Variants in BCOR observed in about 807,000 individuals in gnomAD.
BCOR encodes BCL-6 corepressor.
Under a neutral mutation model 86.7 loss-of-function variants are expected in BCOR, and 10 were observed. That is an observed-to-expected ratio of 0.12 (90% CI 0.07 to 0.20). The LOEUF (loss-of-function observed/expected upper bound fraction) is 0.20, where lower values mean the gene tolerates loss of function less well. BCOR is among the 10% of genes least tolerant of loss of function. The pLI is 1.00. For missense variants in BCOR, 1,259 were observed against 1,452.1 expected (o/e 0.87, Z 2.16); for synonymous variants, 611 against 609.0 (o/e 1.00, Z -0.05).
chrX:40,138,332 C>T (rs929088927), intron 1 of BCOR, among the ~76,000 whole-genome samples: 1 of 111,856 alleles, frequency 8.9e-6, no homozygotes, highest in African/African-American at 3.2e-5. Context: ...TACTTATGTG[C>T]TGAGCGTAGG....
chrX:40,173,933 G>A (rs1457925632), intron 1 of BCOR, among the ~76,000 whole-genome samples: 1 of 113,100 alleles, frequency 8.8e-6, no homozygotes, highest in East Asian at 2.8e-4. Flanking sequence ...CTGGTGCACA[G>A]ATGCAAATAC....
intron 1 of BCOR, among the ~76,000 whole-genome samples, chrX:40,118,205 A>C (rs1937426699): frequency 9.1e-6 from 1 of 110,037 alleles, no homozygotes; most frequent in African/African-American, 3.3e-5. Context: ...TCCTCCCCTC[A>C]GGTGTGAGCT....
At chrX:40,160,935 A>G (rs1485673535) in intron 1 of BCOR, among the ~76,000 whole-genome samples, 2 of 105,374 alleles carry the variant, frequency 1.9e-5, no homozygotes, top group Non-Finnish European at 3.9e-5. Flanking sequence ...TCGGCCTCCT[A>G]AAGTGTTGGG....
At chrX:40,138,013 C>T (rs776007639) in intron 1 of BCOR, among the ~76,000 whole-genome samples, 3 of 110,717 alleles carry the variant, frequency 2.7e-5, no homozygotes, top group African/African-American at 6.6e-5. Context: ...AGTGCAATGG[C>T]GCTATCTTGG....
At chrX:40,171,760 G>A (rs989719777) in intron 1 of BCOR, among the ~76,000 whole-genome samples, 2 of 113,226 alleles carry the variant, frequency 1.8e-5, no homozygotes, top group African/African-American at 6.4e-5. Flanking sequence ...TGGAAAGGAG[G>A]AGAGCCGCAA....
At chrX:40,156,526 T>A (rs1478933779) in intron 1 of BCOR, among the ~76,000 whole-genome samples, 1 of 112,996 alleles carries the variant, frequency 8.8e-6, no homozygotes, top group African/African-American at 3.2e-5. Flanking sequence ...GCTGTCTTGC[T>A]TGTACAGCAC....
chrX:40,053,724 T>G, intron 14 of BCOR, 162 bp downstream of exon 14: 2 of 595,206 alleles, frequency 3.4e-6, no homozygotes, highest in Non-Finnish European at 5.4e-6. Context: ...AGGAAGCTGA[T>G]GTGTACCCTT....
chrX:40,109,246 C>T (rs774269907), intron 1 of BCOR, among the ~76,000 whole-genome samples: 151 of 112,340 alleles, frequency 1.3e-3, no homozygotes, highest in Non-Finnish European at 2.2e-3. Flanking sequence ...CCGGGCTCCC[C>T]GGTCCTCGGC....
intron 2 of BCOR, chrX:40,076,948 G>T (rs1203318213): frequency 3.1e-6 from 1 of 317,649 alleles, no homozygotes; most frequent in African/African-American, 2.7e-5. Context: ...GGGGCTGGAA[G>T]GCTGGTCGTG....
At chrX:40,168,838 C>T (rs1005713028) in intron 1 of BCOR, among the ~76,000 whole-genome samples, 1 of 113,445 alleles carries the variant, frequency 8.8e-6, no homozygotes, top group Non-Finnish European at 1.9e-5. Context: ...GTCAGCTGAA[C>T]ATAATGCAAA....
chrX:40,056,469 C>G (rs182982073), intron 11 of BCOR, among the ~76,000 whole-genome samples: 1 of 110,816 alleles, frequency 9.0e-6, no homozygotes, highest in Non-Finnish European at 1.9e-5. Context: ...CAGCAGGATA[C>G]AGAGGCCTCC....
upstream of BCOR, among the ~76,000 whole-genome samples, chrX:40,100,182 G>A: frequency 8.9e-6 from 1 of 112,980 alleles, no homozygotes; most frequent in Non-Finnish European, 1.9e-5. Context: ...TTTTTGAAGC[G>A]ACTCCTTTTA....
chrX:40,108,879 G>A lies in BCOR; in HGVS notation c.-40-30910C>T, dbSNP rs1937244085. ...GGGTTAAAAGCCCCGGTTCGCTCTG[G>A]CTCCTCGGCTGCGAGGAGAAAACGC... On this transcript the variant is annotated intron_variant, in intron 1 of 14. Coordinates refer to the BCOR transcript ENST00000342274. Among the ~76,000 whole-genome samples the A allele has an allele frequency of 6.2e-5, 7 of 113,302 alleles. No individual in the cohort carries two copies. In the South Asian group the frequency reaches 2.5e-3, roughly 40 times the overall value.
chrX:40,141,462 A>C (rs941921396), intron 1 of BCOR, among the ~76,000 whole-genome samples: 1 of 112,335 alleles, frequency 8.9e-6, no homozygotes, highest in African/African-American at 3.2e-5. Context: ...GATCACACTG[A>C]GAGCGCCCCA....
chrX:40,053,088 A>G (rs758824374), intron 14 of BCOR, among the ~76,000 whole-genome samples: 2 of 110,974 alleles, frequency 1.8e-5, no homozygotes, highest in Non-Finnish European at 3.8e-5. Flanking sequence ...CATTTCTTTG[A>G]TCTCTTCTCT....
chrX:40,087,883 C>A (rs1936428421), intron 1 of BCOR, among the ~76,000 whole-genome samples: 1 of 112,444 alleles, frequency 8.9e-6, no homozygotes, highest in African/African-American at 3.2e-5. Flanking sequence ...ACTGGAAATG[C>A]CTTGGCACTT....
chrX:40,083,636 G>T (rs986494310), intron 1 of BCOR, among the ~76,000 whole-genome samples: 20 of 111,841 alleles, frequency 1.8e-4, no homozygotes, highest in Non-Finnish European at 2.1e-4. Context: ...GAGCGCGATC[G>T]GTCGGCAACA....
At chrX:40,163,789 C>T (rs1938463933) in intron 1 of BCOR, among the ~76,000 whole-genome samples, 2 of 110,451 alleles carry the variant, frequency 1.8e-5, no homozygotes, top group African/African-American at 3.3e-5. Flanking sequence ...TTTGGGAGGC[C>T]GAGGCAGGCA....
chrX:40,055,247 C>T lies in BCOR; in HGVS notation c.4741+121G>A. ...ACACAAAAGTTCAAACACTCGGCTG[C>T]TCTCCTAAAAGCTTTACAGTTTCAG... On this transcript the variant is annotated intron_variant, in intron 12 of 14. Coordinates refer to ENST00000378444, the MANE Select transcript of BCOR (RefSeq NM_001123385.2). 5.5e-6 allele frequency: 4 copies of T among 720,733 alleles called. No individual in the cohort carries two copies. In the South Asian group the frequency reaches 9.3e-5, roughly 17 times the overall value. 59.4% of individuals were successfully genotyped at this position (720,733 alleles called of 1,213,427 possible).
Sources: allele counts gnomAD v4.1 joint callset (sites outside exome capture counted in the v4.1 genomes callset), GRCh38; gene constraint gnomAD v4.1.1; transcripts MANE v1.5; gene names NCBI Gene and HGNC (gene_info 2026-07-23, HGNC 2026-07-21).